HS3ST1: variants seen among roughly 807,000 people sequenced by gnomAD.
HS3ST1 encodes the protein heparan sulfate-glucosamine 3-sulfotransferase 1, also known as heparan sulfate glucosamine 3-O-sulfotransferase 1.
In HS3ST1, 8 loss-of-function variants were observed where a neutral mutation model predicts 20.7. That is an observed-to-expected ratio of 0.39 (90% CI 0.23 to 0.70). The LOEUF (loss-of-function observed/expected upper bound fraction) is 0.70. Among genes scored for constraint, HS3ST1 ranks in the 30% least tolerant of loss-of-function variants. The pLI is 0.46. For missense variants in HS3ST1, 436 were observed against 423.4 expected, an observed-to-expected ratio of 1.03 and a Z score of -0.26; for synonymous variants, 205 against 190.4, an observed-to-expected ratio of 1.08 and a Z score of -0.63.
At chr4:11,407,286 A>G (rs995606407) in intron 1 of HS3ST1, among the ~76,000 whole-genome samples, 2 of 152,128 alleles carry the variant, frequency 1.3e-5, no homozygotes, top group Non-Finnish European at 2.9e-5. Flanking sequence ...GCAGTGGGGG[A>G]TAAGTTACAG....
Position 11,427,124 on chromosome 4 carries a change from T to A in HS3ST1, c.-109+1575A>T, listed in dbSNP as rs894992288. Among the ~76,000 whole-genome samples the A allele has an allele frequency of 3.3e-5, 5 of 152,140 alleles. No homozygotes were observed. The East Asian group carries it at 9.7e-4, about 29-fold the overall frequency. The stretch of plus-strand genomic sequence containing the variant: ...TTTTTTTTTCTTTTTTTTTTAAAGA[T>A]GGAATTCCTGGAATTAACCCTTGGG... On this transcript the variant is annotated intron_variant, in intron 1 of 1. Transcript: ENST00000002596.
chr4:11,416,118 T>G (rs1411774649), intron 1 of HS3ST1, among the ~76,000 whole-genome samples: 1 of 152,158 alleles, frequency 6.6e-6, no homozygotes, highest in Admixed American at 6.5e-5. Context: ...GGGGACATTT[T>G]CTCAGGTCAC....
chr4:11,422,999 G>A (rs1157789406), intron 1 of HS3ST1, among the ~76,000 whole-genome samples: 2 of 110,756 alleles, frequency 1.8e-5, no homozygotes, highest in African/African-American at 7.4e-5. Flanking sequence ...CTCCAGCCAG[G>A]GCAACAAGAG....
At chr4:11,418,509 C>G (rs1035657200) in intron 1 of HS3ST1, among the ~76,000 whole-genome samples, 2 of 152,156 alleles carry the variant, frequency 1.3e-5, no homozygotes, top group African/African-American at 4.8e-5. Context: ...ACTACACTCC[C>G]TTTTGGATCA....
At position 11,393,899 on chromosome 4, in the gene HS3ST1, A is replaced by G. The variant is rs1293805568; in HGVS notation, c.*5183T>C. 6.6e-6 allele frequency: 1 copy of G among 152,248 alleles called. No homozygotes were observed. Among genetic ancestry groups the G allele is most frequent in the East Asian group, 1.9e-4 (1 of 5,194 alleles). The allele number at this position is 152,248 out of a possible 1,614,324, so 9.4% of individuals were successfully genotyped here. A position where few individuals can be genotyped will look rare whatever the true frequency, so the allele number is the denominator to read the frequency against. ...CCAACTAAGAGAAATCCTTCAGAAA[A>G]TAGTACAGAAGACAATCTTTGTGGC... On this transcript the variant is annotated 3_prime_UTR_variant, in exon 2 of 2. Transcript: ENST00000002596.
Position 11,399,458 on chromosome 4 carries a change from C to T in HS3ST1, c.548G>A (p.Arg183Lys). The change falls in exon 2 of 2, where the codon AGG becomes AAG. Residue 183 changes from arginine (R) to lysine (K), a missense_variant. Transcript: ENST00000002596. This position sits in a 1 kb window ranked among gnomAD's most constrained non-coding sequence, Gnocchi z 5.1. ...SIEEFLVRDG[R>K]LNVDYKALNR... is the part of the protein sequence containing the mutation. Reference sequence around the variant, plus strand: ...GAGGGCCTTGTAGTCCACATTGAGCCTGCCATCGCGCACCAGGAACTCCTC... The same window carrying T: ...GAGGGCCTTGTAGTCCACATTGAGCTTGCCATCGCGCACCAGGAACTCCTC... 6.2e-7 allele frequency: 1 copy of T among 1,614,024 alleles called. No homozygotes were observed. The highest frequency in any genetic ancestry group is 8.5e-7 in the Non-Finnish European group (1 of 1,179,996).
rs1199217529 is a variant in HS3ST1 at position 11,399,566 on chromosome 4, CGCAGGATGAGCA to C, written c.428_439del (p.Leu143_Leu146del). On this transcript the variant is annotated inframe_deletion, in exon 2 of 2. Coordinates refer to ENST00000002596, the MANE Select transcript of HS3ST1 (RefSeq NM_005114.4). This position sits in a 1 kb window ranked among gnomAD's most constrained non-coding sequence, Gnocchi z 5.1. ...AGATAGCACGCGCTCCGACGGGTCT[CGCAGGATGAGCA>C]GCAGCCGGATGGACGGGTTCATGCT... 6.2e-7 allele frequency: 1 copy of C among 1,613,802 alleles called. No homozygotes were observed. The highest frequency in any genetic ancestry group is 1.1e-5 in the South Asian group (1 of 91,086).
chr4:11,424,037 GAA>G (rs543945093), intron 1 of HS3ST1, among the ~76,000 whole-genome samples: 35,690 of 112,496 alleles, frequency 0.32, 5,760 homozygotes, highest in African/African-American at 0.5. Flanking sequence ...AGTCTATCTT[GAA>G]AAAAAAAAAA....
chr4:11,410,288 C>T (rs904195749), intron 1 of HS3ST1, among the ~76,000 whole-genome samples: 6 of 152,092 alleles, frequency 3.9e-5, no homozygotes, highest in South Asian at 4.1e-4. Flanking sequence ...TAGATCCAGC[C>T]GTGGAAACTC....
rs2108879147 is a variant in HS3ST1 at position 11,399,341 on chromosome 4, C to T, written c.665G>A (p.Arg222Lys). Reference protein sequence around the residue: ...IHIVDGDRLIRDPFPEIQKVE... With the variant: ...IHIVDGDRLIKDPFPEIQKVE... ...CTTTTGGATCTCAGGGAAGGGGTCC[C>T]TGATGAGGCGGTCGCCGTCCACAAT... Residue 222 changes from arginine (R) to lysine (K), a missense_variant, in exon 2 of 2, where the codon AGG becomes AAG. Physicochemically the swap from Arg to Lys is conservative, Grantham distance 26. Transcript: ENST00000002596. This position sits in a 1 kb window ranked among gnomAD's most constrained non-coding sequence, Gnocchi z 5.1. The T allele has an allele frequency of 1.2e-6, 2 of 1,614,084 alleles. No individual in the cohort carries two copies. The highest frequency in any genetic ancestry group is 4.5e-5 in the East Asian group (2 of 44,878).
chr4:11,403,062 A>G (rs1245737878), intron 1 of HS3ST1, among the ~76,000 whole-genome samples: 1 of 152,252 alleles, frequency 6.6e-6, no homozygotes, highest in Non-Finnish European at 1.5e-5. Flanking sequence ...CTAATGTCTT[A>G]TATACACATA....
upstream of HS3ST1, among the ~76,000 whole-genome samples, chr4:11,431,534 G>C (rs1719206726): frequency 6.6e-6 from 1 of 152,152 alleles, no homozygotes; most frequent in South Asian, 2.1e-4. Context: ...TACTAAGAGA[G>C]AGATGAAAAA....
At chr4:11,434,054 T>TG (rs1287967862), upstream of HS3ST1, among the ~76,000 whole-genome samples, 7 of 152,350 alleles carry the variant, frequency 4.6e-5, no homozygotes, top group South Asian at 1.4e-3. Context: ...TGAAAACTGA[T>TG]GGTGCTGGCT....
upstream of HS3ST1, among the ~76,000 whole-genome samples, chr4:11,431,903 G>A (rs977583817): frequency 6.6e-6 from 1 of 152,118 alleles, no homozygotes; most frequent in African/African-American, 2.4e-5. Flanking sequence ...CTAATAAGTG[G>A]TAGGGCTGAT....
At chr4:11,425,427 G>A (rs992517067) in intron 1 of HS3ST1, among the ~76,000 whole-genome samples, 1 of 152,120 alleles carries the variant, frequency 6.6e-6, no homozygotes, top group Non-Finnish European at 1.5e-5. Flanking sequence ...CTTAAGACAT[G>A]TAATGTGTAT....
At position 11,412,816 on chromosome 4, in the gene HS3ST1, C is replaced by T. The variant is rs62295602; in HGVS notation, c.-108-12703G>A. Among the ~76,000 whole-genome samples, 1,282 of 152,294 alleles carry T rather than the reference C, an allele frequency of 8.4e-3. 3 individuals carry two copies. The highest frequency in any genetic ancestry group is 0.027 in the Middle Eastern group (8 of 294). On this transcript the variant is annotated intron_variant, in intron 1 of 1. Transcript: ENST00000002596. ...AAGGCAAAGAAGAAAGCATTATACTCCTACGGACTGAATGTTTGTGTCCTT... is the reference window on the plus strand; with the variant it reads ...AAGGCAAAGAAGAAAGCATTATACTTCTACGGACTGAATGTTTGTGTCCTT...
chr4:11,402,339 A>T (rs1029123198), intron 1 of HS3ST1, among the ~76,000 whole-genome samples: 2 of 152,254 alleles, frequency 1.3e-5, no homozygotes, highest in Admixed American at 6.5e-5. Context: ...TTTAGAAAGG[A>T]TAGCCAAGAA....
intron 1 of HS3ST1, among the ~76,000 whole-genome samples, chr4:11,427,320 GC>G (rs1161129241): frequency 2.0e-5 from 3 of 152,154 alleles, no homozygotes; most frequent in Non-Finnish European, 4.4e-5. Context: ...GGGGCTACTG[GC>G]GGGAGGCGCA....
At chr4:11,406,118 A>G (rs758224294) in intron 1 of HS3ST1, among the ~76,000 whole-genome samples, 39 of 152,328 alleles carry the variant, frequency 2.6e-4, no homozygotes, top group Admixed American at 1.2e-3. Flanking sequence ...GGATTTAACA[A>G]AAGGGTTAGA....
Sources: allele counts gnomAD v4.1 joint callset (sites outside exome capture counted in the v4.1 genomes callset), GRCh38; gene constraint gnomAD v4.1.1; non-coding constraint Gnocchi (gnomAD v3.1); transcripts MANE v1.5; gene names NCBI Gene and HGNC (gene_info 2026-07-23, HGNC 2026-07-21).